The following CCDC171 variants were observed in gnomAD, a reference collection of about 807,000 sequenced individuals.
CCDC171 encodes the protein coiled-coil domain containing 171.
In CCDC171, 177 loss-of-function variants were observed where a neutral mutation model predicts 168.2. The observed-to-expected ratio is 1.05, with a 90% CI of 0.93 to 1.19. The LOEUF is 1.19. Ranked by LOEUF, CCDC171 falls within the 50% of genes most tolerant of loss-of-function variation. The pLI, the probability that CCDC171 is intolerant of heterozygous loss-of-function variation, is 0.00. For missense variants in CCDC171, 1,991 were observed against 1,539.0 expected, an observed-to-expected ratio of 1.29 and a Z score of -4.91; for synonymous variants, 687 against 540.8, an observed-to-expected ratio of 1.27 and a Z score of -3.75.
intron 3 of CCDC171, among the ~76,000 whole-genome samples, chr9:15,988,190 A>G (rs1832059031): frequency 6.6e-6 from 1 of 152,238 alleles, no homozygotes; most frequent in Non-Finnish European, 1.5e-5. Flanking sequence ...TACAGCAACA[A>G]CTAACAAATG....
At chr9:15,590,388 C>G (rs997154541) in intron 4 of CCDC171, among the ~76,000 whole-genome samples, 2 of 152,136 alleles carry the variant, frequency 1.3e-5, no homozygotes, top group African/African-American at 2.4e-5. Flanking sequence ...AAAAACTTAA[C>G]TAGGGACATT....
chr9:15,555,141 G>A (rs930023931), intron 1 of CCDC171, among the ~76,000 whole-genome samples: 3 of 152,030 alleles, frequency 2.0e-5, no homozygotes, highest in East Asian at 1.9e-4. Flanking sequence ...TCAGGATGTC[G>A]GGATCACTGA....
chr9:15,557,290 A>G (rs1157123521), intron 1 of CCDC171, among the ~76,000 whole-genome samples: 1 of 152,152 alleles, frequency 6.6e-6, no homozygotes, highest in Non-Finnish European at 1.5e-5. Context: ...AGTCATTGGT[A>G]GCTTGATGGG....
chr9:16,007,390 C>G (rs910351118), intron 3 of CCDC171, among the ~76,000 whole-genome samples: 1 of 152,138 alleles, frequency 6.6e-6, no homozygotes, highest in Non-Finnish European at 1.5e-5. Flanking sequence ...GTTGCCTGTT[C>G]ACTCTGATGG....
intron 7 of CCDC171, among the ~76,000 whole-genome samples, chr9:15,628,370 G>T (rs2045354384): frequency 6.6e-6 from 1 of 152,194 alleles, no homozygotes; most frequent in African/African-American, 2.4e-5. Flanking sequence ...CGCACCAGGA[G>T]ATTATAACCC....
chr9:15,629,449 A>C (rs2045483485), intron 7 of CCDC171, among the ~76,000 whole-genome samples: 2 of 152,198 alleles, frequency 1.3e-5, no homozygotes. Context: ...CAAATGAATG[A>C]AATGAAGCAA....
intron 9 of CCDC171, among the ~76,000 whole-genome samples, chr9:15,677,927 A>AT (rs1491415268): frequency 0.065 from 1,902 of 29,220 alleles, 382 homozygotes; most frequent in South Asian, 0.077. Flanking sequence ...TATATATATA[A>AT]GAGATGTGGT....
chr9:16,001,746 G>A (rs1832551453), intron 3 of CCDC171, among the ~76,000 whole-genome samples: 2 of 151,952 alleles, frequency 1.3e-5, no homozygotes, highest in Admixed American at 1.3e-4. Context: ...AACCTGTGCT[G>A]CAAGTAATAG....
At chr9:16,087,121 G>T in the CCDC171 span, among the ~76,000 whole-genome samples, 2 of 152,066 alleles carry the variant, frequency 1.3e-5, no homozygotes, top group African/African-American at 4.8e-5. Flanking sequence ...CCATTCTTTT[G>T]CATTTGCTGA....
chr9:15,559,256 G>T (rs950586354), intron 1 of CCDC171, among the ~76,000 whole-genome samples: 2 of 152,140 alleles, frequency 1.3e-5, no homozygotes, highest in Non-Finnish European at 2.9e-5. Flanking sequence ...GGTCTGCTTG[G>T]TGCAGAGCTG....
At chr9:15,654,083 T>G (rs897297285) in intron 7 of CCDC171, among the ~76,000 whole-genome samples, 1 of 152,222 alleles carries the variant, frequency 6.6e-6, no homozygotes, top group African/African-American at 2.4e-5. Flanking sequence ...CTGTTATTTT[T>G]AAATACTCTA....
At chr9:16,045,947 A>G (rs1317941779) in intron 1 of CCDC171, among the ~76,000 whole-genome samples, 1 of 152,164 alleles carries the variant, frequency 6.6e-6, no homozygotes, top group Non-Finnish European at 1.5e-5. Flanking sequence ...CTAAAGGAAA[A>G]CAACATTTCT....
At chr9:15,768,247 G>A (rs1176422543) in intron 18 of CCDC171, among the ~76,000 whole-genome samples, 1 of 151,210 alleles carries the variant, frequency 6.6e-6, no homozygotes, top group Non-Finnish European at 1.5e-5. Flanking sequence ...ATTTTCTTAG[G>A]CCCAAAACTT....
At chr9:15,847,472 A>G (rs1387307048) in intron 22 of CCDC171, among the ~76,000 whole-genome samples, 1 of 152,080 alleles carries the variant, frequency 6.6e-6, no homozygotes, top group East Asian at 1.9e-4. Flanking sequence ...TCAAGTTGAC[A>G]TACATTATGA....
At chr9:15,661,712 A>G (rs995445180) in intron 8 of CCDC171, among the ~76,000 whole-genome samples, 1 of 152,230 alleles carries the variant, frequency 6.6e-6, no homozygotes, top group Admixed American at 6.5e-5. Flanking sequence ...TAAAAATGAG[A>G]AAGCAGACTT....
At chr9:15,626,927 T>C (rs276441) in intron 7 of CCDC171, among the ~76,000 whole-genome samples, 82,188 of 151,930 alleles carry the variant, frequency 0.54, 22,505 homozygotes, top group East Asian at 0.77. Context: ...TAGAATTTGG[T>C]TGTGAATCCA....
intron 24 of CCDC171, among the ~76,000 whole-genome samples, chr9:15,897,689 G>A (rs984312734): frequency 6.6e-6 from 1 of 152,134 alleles, no homozygotes; most frequent in African/African-American, 2.4e-5. Context: ...GTTAATAAAG[G>A]AGAGAACATG....
rs1302077996 is a variant in CCDC171, at chr9:15,678,863, A to C, written c.1182A>C (p.Lys394Asn). Residue 394 changes from lysine to asparagine, a missense_variant, in exon 10 of 26, where the codon AAA becomes AAC. Lys to Asn is a moderately conservative substitution (Grantham distance 94). Transcript: ENST00000380701. ...CAAAGAGACTCCAGTATAATGAAAA[A>C]AGTTGCAGTGAATTACAGGAAGAAC... ...DLSKRLQYNE[K>N]SCSELQEELV... is the part of the protein sequence containing the mutation. 1 of 1,592,570 alleles carries C rather than the reference A, an allele frequency of 6.3e-7. No homozygotes were observed. The highest frequency in any genetic ancestry group is 1.4e-5 in the African/African-American group (1 of 73,474).
chr9:15,888,895 A>G (rs1048817286), intron 24 of CCDC171: 1 of 146,208 alleles, frequency 6.8e-6, no homozygotes, highest in African/African-American at 2.5e-5. Flanking sequence ...CCAGATCTTG[A>G]TGAGCTTGAT....
Sources: gnomAD v4.1 joint callset for allele counts (sites outside exome capture counted in the v4.1 genomes callset) on GRCh38, gnomAD v4.1.1 for gene constraint, MANE v1.5 for transcripts, NCBI Gene and HGNC (gene_info 2026-07-23, HGNC 2026-07-21) for gene names.